FGF14: variants seen among roughly 807,000 people sequenced by gnomAD.
The protein encoded by FGF14 is fibroblast growth factor homologous factor 4.
FGF14 carries 5 observed loss-of-function variants against 25.5 expected under a neutral mutation model. That is an observed-to-expected ratio of 0.20 (90% CI 0.10 to 0.41). The LOEUF is 0.41. FGF14 is among the 10% of genes least tolerant of loss of function. The pLI is 1.00. For missense variants in FGF14, 222 were observed against 320.1 expected (o/e 0.69, Z 2.34); for synonymous variants, 138 against 118.3 (o/e 1.17, Z -1.08).
intron 1 of FGF14, among the ~76,000 whole-genome samples, chr13:101,930,503 A>G (rs996953074): frequency 1.3e-5 from 2 of 152,172 alleles, no homozygotes; most frequent in Admixed American, 1.3e-4. Context: ...CATTTTCATA[A>G]CATTCCTTAT....
In FGF14 at chr13:101,943,826, A is replaced by ATATATATATAT. The variant is rs1248619839; in HGVS notation, c.209-68531_209-68530insATATATATATA. ...CTGTCTCTACTTAAAAAAAAAAAAA[A>ATATATATATAT]ATATATATATATATATATTCACAAA... On this transcript the variant is annotated intron_variant, in intron 1 of 4. Transcript: ENST00000376131. Among the ~76,000 whole-genome samples the ATATATATATAT allele has an allele frequency of 3.9e-3, 497 of 126,738 alleles. 5 individuals carry two copies. Among genetic ancestry groups the ATATATATATAT allele is most frequent in the African/African-American group, 0.016 (472 of 29,180 alleles). 83.1% of individuals were successfully genotyped at this position (126,738 alleles called of 152,430 possible).
rs115859066 is a variant in FGF14, at chr13:102,114,756, T to C, written c.209-239460A>G. On this transcript the variant is annotated intron_variant, in intron 1 of 4. Transcript: ENST00000376131. ...AAATACAAACACTGCACAACTCCAC[T>C]CATCTGAGATATCTAAAACAGTCAA... 5.7e-3 allele frequency among the ~76,000 whole-genome samples: 867 copies of C among 152,140 alleles called. 5 individuals carry two copies. The highest frequency in any genetic ancestry group is 0.018 in the African/African-American group (731 of 41,520).
chr13:101,946,651 C>G (rs2035828289), intron 1 of FGF14, among the ~76,000 whole-genome samples: 2 of 152,178 alleles, frequency 1.3e-5, no homozygotes, highest in African/African-American at 4.8e-5. Context: ...CTTCTGGCAC[C>G]ATGAACAGTT....
In FGF14 at chr13:102,251,972, C is replaced by T. The variant is rs181326202; in HGVS notation, c.208+149499G>A. On this transcript the variant is annotated intron_variant, in intron 1 of 4. Coordinates refer to the FGF14 transcript ENST00000376131. ...ATCTCAGCCTACAGAGGCTATGACC[C>T]ACAAATGGATAAAATTAATTATGAG... 2.2e-3 allele frequency among the ~76,000 whole-genome samples: 337 copies of T among 152,242 alleles called. 2 individuals are homozygous for T. In the Middle Eastern group the frequency reaches 0.037, roughly 17 times the overall value.
Position 101,714,317 on chromosome 13 carries a change from C to T in FGF14, c.*8514G>A, listed in dbSNP as rs2034616813. 2.9e-6 allele frequency: 2 copies of T among 696,164 alleles called. No individual in the cohort carries two copies. The highest frequency in any genetic ancestry group is 5.2e-6 in the Non-Finnish European group (2 of 385,164). 43.1% of individuals were successfully genotyped at this position (696,164 alleles called of 1,614,324 possible). On this transcript the variant is annotated 3_prime_UTR_variant, in exon 5 of 5. Coordinates refer to ENST00000376143, the MANE Select transcript of FGF14 (RefSeq NM_004115.4). ...CCTCTGAGAAACCAGCCATTCAATA[C>T]ACTTTTACCTTTGGATGATGGGTTA...
intron 1 of FGF14, among the ~76,000 whole-genome samples, chr13:101,960,099 A>G (rs2036753785): frequency 1.3e-5 from 2 of 152,206 alleles, no homozygotes; most frequent in African/African-American, 4.8e-5. Context: ...ACTTGCCTCA[A>G]CCTGAATATT....
intron 3 of FGF14, among the ~76,000 whole-genome samples, chr13:101,796,157 G>C (rs1001850466): frequency 6.6e-6 from 1 of 151,956 alleles, no homozygotes; most frequent in Non-Finnish European, 1.5e-5. Context: ...TTTTTCTTCA[G>C]TAAATAGCTT....
intron 1 of FGF14, among the ~76,000 whole-genome samples, chr13:102,330,791 T>G (rs76596364): frequency 6.6e-6 from 1 of 152,092 alleles, no homozygotes; most frequent in Non-Finnish European, 1.5e-5. Context: ...TCCGTTACCA[T>G]GTGACGTTCC....
At chr13:102,168,231 GA>G (rs1826558466) in intron 1 of FGF14, among the ~76,000 whole-genome samples, 1 of 152,094 alleles carries the variant, frequency 6.6e-6, no homozygotes, top group Non-Finnish European at 1.5e-5. Flanking sequence ...GAAGAATGAA[GA>G]AAAAGGTGCG....
chr13:102,224,581 AT>A (rs2050753281), intron 1 of FGF14, among the ~76,000 whole-genome samples: 1 of 152,150 alleles, frequency 6.6e-6, no homozygotes, highest in African/African-American at 2.4e-5. Context: ...AAAAAAAATA[AT>A]TTTAAAAAGA....
At chr13:102,089,526 T>C (rs2044075686) in intron 1 of FGF14, among the ~76,000 whole-genome samples, 1 of 152,236 alleles carries the variant, frequency 6.6e-6, no homozygotes, top group African/African-American at 2.4e-5. Flanking sequence ...TTTTAACAGC[T>C]GGCATAAGAT....
rs149508894 is a variant in FGF14, at chr13:102,249,116, T to C, written c.208+152355A>G. ...TAAACCCGGAAACGTGAATGGAGGC[T>C]AGATGGAAGTCACGGCCTGAAGATG... On this transcript the variant is annotated intron_variant, in intron 1 of 4. Transcript: ENST00000376131. Among the ~76,000 whole-genome samples the C allele has an allele frequency of 8.5e-5, 13 of 152,224 alleles. No individual in the cohort carries two copies. In the East Asian group the frequency reaches 2.5e-3, roughly 29 times the overall value.
At chr13:102,110,633 G>A (rs1566698248) in intron 1 of FGF14, among the ~76,000 whole-genome samples, 1 of 152,088 alleles carries the variant, frequency 6.6e-6, no homozygotes, top group Non-Finnish European at 1.5e-5. Context: ...CAGAACAAGT[G>A]TGCCAATCCT....
At chr13:101,791,485 C>G (rs972092338) in intron 3 of FGF14, among the ~76,000 whole-genome samples, 1 of 152,118 alleles carries the variant, frequency 6.6e-6, no homozygotes, top group African/African-American at 2.4e-5. Context: ...ACAAATGTTT[C>G]AAGTGAAGGA....
intron 1 of FGF14, among the ~76,000 whole-genome samples, chr13:101,966,828 G>A (rs1259984169): frequency 6.6e-6 from 1 of 152,068 alleles, no homozygotes; most frequent in Non-Finnish European, 1.5e-5. Context: ...TCTTAGGGAC[G>A]ACCTAGAAAT....
At chr13:101,816,439 T>C (rs1326886213) in intron 3 of FGF14, among the ~76,000 whole-genome samples, 5 of 152,250 alleles carry the variant, frequency 3.3e-5, no homozygotes, top group African/African-American at 9.6e-5. Context: ...ATTATACAAT[T>C]GGCTAACAAA....
intron 1 of FGF14, among the ~76,000 whole-genome samples, chr13:102,116,641 A>G (rs1458764176): frequency 1.3e-5 from 2 of 152,142 alleles, no homozygotes; most frequent in Non-Finnish European, 2.9e-5. Flanking sequence ...CCTAAAGTAT[A>G]TCAGAGGGCG....
chr13:102,035,739 T>C (rs2041439739), intron 1 of FGF14, among the ~76,000 whole-genome samples: 1 of 152,200 alleles, frequency 6.6e-6, no homozygotes, highest in African/African-American at 2.4e-5. Flanking sequence ...AGTATCTTTC[T>C]CTGGAGTCAG....
chr13:101,987,035 G>C (rs1264638488), intron 1 of FGF14, among the ~76,000 whole-genome samples: 1 of 151,610 alleles, frequency 6.6e-6, no homozygotes, highest in Non-Finnish European at 1.5e-5. Context: ...CACTTCAACT[G>C]CCACCACCTT....
Sources: allele counts gnomAD v4.1 joint callset (sites outside exome capture counted in the v4.1 genomes callset), GRCh38; gene constraint gnomAD v4.1.1; transcripts MANE v1.5; gene names NCBI Gene and HGNC (gene_info 2026-07-23, HGNC 2026-07-21).